PRIM2: variants seen among roughly 807,000 people sequenced by gnomAD.
PRIM2 encodes the protein DNA primase large subunit.
PRIM2 carries 39 observed loss-of-function variants against 67.3 expected under a neutral mutation model. The observed-to-expected ratio is 0.58, with a 90% CI of 0.45 to 0.76. PRIM2 has a LOEUF of 0.76. PRIM2 is among the 30% of genes least tolerant of loss of function. The pLI is 0.00. For synonymous variants in PRIM2, 143 were observed against 198.7 expected (o/e 0.72, Z 2.36); for missense variants, 398 against 598.7 (o/e 0.66, Z 3.50).
At chr6:57,557,025 G>A (rs1775526035) in intron 10 of PRIM2, among the ~76,000 whole-genome samples, 1 of 136,674 alleles carries the variant, frequency 7.3e-6, no homozygotes, top group Admixed American at 7.6e-5. Flanking sequence ...AGGAGAAAAA[G>A]CTTAGTATCA....
At chr6:57,616,682 C>T (rs1776763255) in intron 12 of PRIM2, among the ~76,000 whole-genome samples, 4 of 151,832 alleles carry the variant, frequency 2.6e-5, no homozygotes, top group African/African-American at 9.7e-5. Context: ...ATACAAATAA[C>T]TATTTTAAAA....
chr6:57,558,268 A>T (rs1465612970), intron 10 of PRIM2, among the ~76,000 whole-genome samples: 1 of 152,178 alleles, frequency 6.6e-6, no homozygotes, highest in Non-Finnish European at 1.5e-5. Context: ...CTAAGTTCTT[A>T]TTTAATATGA....
intron 5 of PRIM2, among the ~76,000 whole-genome samples, chr6:57,371,736 A>C (rs1485056559): frequency 6.6e-6 from 1 of 152,260 alleles, no homozygotes; most frequent in Non-Finnish European, 1.5e-5. Flanking sequence ...TCGTGAAGAC[A>C]TGAAGATTTC....
Position 57,492,114 on chromosome 6 carries a change from C to T in PRIM2, c.694-15273C>T, listed in dbSNP as rs1773906888. 2.0e-5 allele frequency among the ~76,000 whole-genome samples: 3 copies of T among 152,286 alleles called. No homozygotes were observed. The South Asian group carries it at 6.2e-4, about 32-fold the overall frequency. On this transcript the variant is annotated intron_variant, in intron 7 of 13. Transcript: ENST00000615550. ...TGTCAGAGGTTGTCCGGGGACCCTT[C>T]CCTTACTGTCTGCCTAAAGCAAGAT...
intron 10 of PRIM2, among the ~76,000 whole-genome samples, chr6:57,587,664 C>CAAAAAAAAA (rs1157172882): frequency 1.5e-4 from 8 of 54,236 alleles, no homozygotes; most frequent in African/African-American, 2.3e-4. Flanking sequence ...GACTCTGTCT[C>CAAAAAAAAA]AAAAAAAAAA....
At chr6:57,482,046 A>G (rs1773641605) in intron 7 of PRIM2, among the ~76,000 whole-genome samples, 1 of 152,192 alleles carries the variant, frequency 6.6e-6, no homozygotes, top group Non-Finnish European at 1.5e-5. Flanking sequence ...ATGATGGGTA[A>G]GTCTGCATGG....
chr6:57,313,004 T>C (rs1767416507), upstream of PRIM2, among the ~76,000 whole-genome samples: 1 of 152,236 alleles, frequency 6.6e-6, no homozygotes, highest in Non-Finnish European at 1.5e-5. Context: ...CTCATAGGTG[T>C]GGGACCATGT....
intron 7 of PRIM2, among the ~76,000 whole-genome samples, chr6:57,428,918 T>C (rs1771725139): frequency 6.6e-6 from 1 of 152,220 alleles, no homozygotes; most frequent in East Asian, 1.9e-4. Context: ...ATATGTATTC[T>C]ATGAACCTTT....
At chr6:57,478,319 T>C (rs1431952516) in intron 7 of PRIM2, among the ~76,000 whole-genome samples, 1 of 148,134 alleles carries the variant, frequency 6.8e-6, no homozygotes, top group Non-Finnish European at 1.5e-5. Context: ...GTTGTTGTTG[T>C]GGTTGTGTTT....
chr6:57,545,304 TTCC>T lies in PRIM2; in HGVS notation c.1020+7680_1020+7682del, dbSNP rs1581981927. Among the ~76,000 whole-genome samples, 5 of 152,104 alleles carry T rather than the reference TTCC, an allele frequency of 3.3e-5. No individual in the cohort carries two copies. The East Asian group carries it at 9.6e-4, about 29-fold the overall frequency. ...ACATAGATACATACATATGTACATATTCCATCTACTTGGCATAGTTCAGCCGAT... is the reference window on the plus strand; with the variant it reads ...ACATAGATACATACATATGTACATATATCTACTTGGCATAGTTCAGCCGAT... On this transcript the variant is annotated intron_variant, in intron 10 of 13. Coordinates refer to ENST00000615550, the MANE Select transcript of PRIM2 (RefSeq NM_000947.5).
intron 7 of PRIM2, among the ~76,000 whole-genome samples, chr6:57,419,296 A>G (rs1474199775): frequency 1.3e-5 from 2 of 152,176 alleles, no homozygotes; most frequent in Non-Finnish European, 2.9e-5. Flanking sequence ...GTTGCCATCC[A>G]TATCCTAGAA....
the PRIM2 span, among the ~76,000 whole-genome samples, chr6:57,279,969 A>T: frequency 6.6e-6 from 1 of 152,136 alleles, no homozygotes; most frequent in Non-Finnish European, 1.5e-5. Flanking sequence ...TGGGGCCTGT[A>T]AGTAGCTCAT....
chr6:57,432,464 A>G (rs1771870523), intron 7 of PRIM2, among the ~76,000 whole-genome samples: 2 of 152,200 alleles, frequency 1.3e-5, no homozygotes, highest in South Asian at 4.1e-4. Context: ...TGGACACTTA[A>G]TAGCTTCTCA....
intron 7 of PRIM2, among the ~76,000 whole-genome samples, chr6:57,458,696 A>G (rs1772895242): frequency 6.6e-6 from 1 of 152,014 alleles, no homozygotes; most frequent in Non-Finnish European, 1.5e-5. Flanking sequence ...AAAAAAGACA[A>G]ACAAACAAAC....
At chr6:57,429,556 A>G (rs1166918522) in intron 7 of PRIM2, among the ~76,000 whole-genome samples, 1 of 152,192 alleles carries the variant, frequency 6.6e-6, no homozygotes, top group Non-Finnish European at 1.5e-5. Flanking sequence ...TGGCCCCCCA[A>G]CATTTATATG....
chr6:57,492,223 G>A (rs1773909906), intron 7 of PRIM2, among the ~76,000 whole-genome samples: 1 of 152,104 alleles, frequency 6.6e-6, no homozygotes, highest in African/African-American at 2.4e-5. Flanking sequence ...GTACCGGACA[G>A]AAGTCTGTCC....
the PRIM2 span, among the ~76,000 whole-genome samples, chr6:57,250,337 G>C: frequency 1.3e-5 from 2 of 152,156 alleles, no homozygotes; most frequent in Admixed American, 1.3e-4. Context: ...GTCAGGTACT[G>C]TGCTGGGCAT....
At chr6:57,613,075 A>T (rs1776695251) in intron 12 of PRIM2, among the ~76,000 whole-genome samples, 1 of 152,086 alleles carries the variant, frequency 6.6e-6, no homozygotes, top group Non-Finnish European at 1.5e-5. Context: ...GATTATAGAC[A>T]TGAACCACTT....
the PRIM2 span, among the ~76,000 whole-genome samples, chr6:57,246,503 G>C: frequency 7.9e-5 from 12 of 152,182 alleles, no homozygotes; most frequent in Admixed American, 4.6e-4. Flanking sequence ...GATGGGGGAG[G>C]AGCAGGAGTG....
Sources: gnomAD v4.1 joint callset for allele counts (sites outside exome capture counted in the v4.1 genomes callset) on GRCh38, gnomAD v4.1.1 for gene constraint, MANE v1.5 for transcripts, NCBI Gene and HGNC (gene_info 2026-07-23, HGNC 2026-07-21) for gene names.